Variants in GABRG2 observed in about 807,000 individuals in gnomAD.
The protein encoded by GABRG2 is gamma-aminobutyric acid type A receptor subunit gamma2.
GABRG2 carries 16 observed loss-of-function variants against 56.4 expected under a neutral mutation model. The ratio of observed to expected loss-of-function variants is 0.28; its 90% CI spans 0.19 to 0.43. GABRG2 has a LOEUF of 0.43. GABRG2 is among the 20% of genes least tolerant of loss of function. The probability of loss-of-function intolerance (pLI) is 1.00; values close to 1 mark genes in which losing one functional copy is unlikely to be tolerated. For synonymous variants in GABRG2, 208 were observed against 205.5 expected (o/e 1.01, Z -0.10); for missense variants, 327 against 582.7 (o/e 0.56, Z 4.52).
intron 8 of GABRG2, 121 bp downstream of exon 8, chr5:162,149,434 A>G (rs546743468): frequency 4.5e-6 from 4 of 879,720 alleles, no homozygotes; most frequent in Non-Finnish European, 7.4e-6. Flanking sequence ...AACAGCATGT[A>G]TGAGTTTAGC....
intron 2 of GABRG2, chr5:162,094,218 T>C: frequency 2.0e-6 from 1 of 498,536 alleles, no homozygotes; most frequent in Non-Finnish European, 3.6e-6. Context: ...GAAATTCACA[T>C]ATTGCTAGAT....
At chr5:162,117,785 A>G (rs2113462590) in intron 6 of GABRG2, among the ~76,000 whole-genome samples, 1 of 152,224 alleles carries the variant, frequency 6.6e-6, no homozygotes, top group African/African-American at 2.4e-5. Context: ...ATTGGTTGAC[A>G]TTGAATAATT....
rs267600532 is a variant in GABRG2 at position 162,151,746 on chromosome 5, C to G, written c.1145C>G (p.Ser382Cys). 6.2e-7 allele frequency: 1 copy of G among 1,609,914 alleles called. No individual in the cohort carries two copies. The highest frequency in any genetic ancestry group is 2.2e-5 in the East Asian group (1 of 44,610). Residue 382 changes from serine to cysteine, a missense_variant, in exon 9 of 10, where the codon TCC becomes TGC. Ser to Cys is a moderately radical substitution (Grantham distance 112). Transcript: ENST00000639213. ...AACCCAAAGCTTCTTCGGATGTTTT[C>G]CTTCAAGGTATAATGTTTTTGGAAT... ...KKKNPLLRMF[S>C]FKAPTIDIRP...
At chr5:162,133,192 C>T (rs991400215) in intron 6 of GABRG2, among the ~76,000 whole-genome samples, 22 of 152,066 alleles carry the variant, frequency 1.4e-4, no homozygotes, top group Admixed American at 3.3e-4. Flanking sequence ...ACCAATGTCA[C>T]AGAAGTTATT....
chr5:162,069,528 CAGAT>C (rs1437412267), intron 1 of GABRG2, among the ~76,000 whole-genome samples: 10 of 152,066 alleles, frequency 6.6e-5, no homozygotes, highest in African/African-American at 2.4e-4. Context: ...GGTAATAAGA[CAGAT>C]AGATTTATGA....
intron 6 of GABRG2, among the ~76,000 whole-genome samples, chr5:162,122,972 T>C (rs1268759312): frequency 6.6e-6 from 1 of 151,774 alleles, no homozygotes; most frequent in Non-Finnish European, 1.5e-5. Flanking sequence ...TTTAGACATT[T>C]AAGAATAAAT....
intron 9 of GABRG2, chr5:162,151,976 G>A (rs1419754147): frequency 2.3e-6 from 1 of 442,522 alleles, no homozygotes; most frequent in Non-Finnish European, 4.0e-6. Context: ...TAATCCCTGT[G>A]AGATGTCATA....
At chr5:162,133,451 A>G (rs181046402) in intron 6 of GABRG2, among the ~76,000 whole-genome samples, 1 of 152,230 alleles carries the variant, frequency 6.6e-6, no homozygotes, top group Admixed American at 6.6e-5. Context: ...CCCTGCGTTT[A>G]TGTAAAACAT....
At chr5:162,118,127 A>G (rs1762746380) in intron 6 of GABRG2, among the ~76,000 whole-genome samples, 1 of 148,774 alleles carries the variant, frequency 6.7e-6, no homozygotes, top group Non-Finnish European at 1.5e-5. Flanking sequence ...TTTCTCCTCA[A>G]CTCTTTTTCT....
intron 8 of GABRG2, 119 bp downstream of exon 8, chr5:162,149,432 G>A: frequency 1.1e-6 from 1 of 902,496 alleles, no homozygotes; most frequent in Non-Finnish European, 1.8e-6. Context: ...AAAACAGCAT[G>A]TATGAGTTTA....
chr5:162,141,084 T>C (rs1276461723), intron 6 of GABRG2, among the ~76,000 whole-genome samples: 2 of 152,202 alleles, frequency 1.3e-5, no homozygotes, highest in Non-Finnish European at 2.9e-5. Context: ...TTGCCCAGGC[T>C]GTAGTGCAGT....
chr5:162,082,211 G>C (rs981764729), intron 1 of GABRG2, among the ~76,000 whole-genome samples: 3 of 151,756 alleles, frequency 2.0e-5, no homozygotes, highest in African/African-American at 7.3e-5. Context: ...TTCTATAAGA[G>C]CCTAATTTTA....
chr5:162,132,445 C>A (rs1363104507), intron 6 of GABRG2, among the ~76,000 whole-genome samples: 1 of 151,966 alleles, frequency 6.6e-6, no homozygotes, highest in African/African-American at 2.4e-5. Context: ...GAAATGCAGT[C>A]TCATCATTTC....
intron 1 of GABRG2, among the ~76,000 whole-genome samples, chr5:162,085,203 T>C (rs926630303): frequency 1.3e-5 from 2 of 151,990 alleles, no homozygotes; most frequent in Non-Finnish European, 2.9e-5. Context: ...ATTTGAGTTT[T>C]ATTTATTTCT....
At position 162,101,265 on chromosome 5, in the gene GABRG2, A is replaced by G. The variant is rs751723547; in HGVS notation, c.579A>G (p.Gln193=). Residue 193 remains glutamine, a synonymous_variant, in exon 5 of 10, where the codon CAA becomes CAG. Transcript: ENST00000639213. ...RLTIDAECQL[Q]LHNFPMDEHS... Reference sequence around the variant, plus strand: ...CAATTGATGCTGAGTGCCAATTACAATTGCACAACTTTCCAATGGATGAAC... The same window carrying G: ...CAATTGATGCTGAGTGCCAATTACAGTTGCACAACTTTCCAATGGATGAAC... 16 of 1,611,134 alleles carry G rather than the reference A, an allele frequency of 9.9e-6. No individual in the cohort carries two copies. The African/African-American group carries it at 1.1e-4, about 11-fold the overall frequency.
intron 6 of GABRG2, among the ~76,000 whole-genome samples, chr5:162,131,182 C>G (rs184211511): frequency 1.3e-5 from 2 of 152,040 alleles, no homozygotes; most frequent in Non-Finnish European, 1.5e-5. Context: ...AGAGGAGTGT[C>G]CCCCACAGCA....
At chr5:162,084,276 T>C (rs1045387175) in intron 1 of GABRG2, among the ~76,000 whole-genome samples, 1 of 151,620 alleles carries the variant, frequency 6.6e-6, no homozygotes, top group East Asian at 1.9e-4. Flanking sequence ...GTCTGTGTAC[T>C]AGAGCAGATG....
chr5:162,144,960 AAAAC>A (rs1211918457), intron 7 of GABRG2, among the ~76,000 whole-genome samples: 14 of 152,324 alleles, frequency 9.2e-5, no homozygotes, highest in African/African-American at 3.4e-4. Context: ...TTAGGATTGA[AAAAC>A]AAACAAACAA....
intron 1 of GABRG2, among the ~76,000 whole-genome samples, chr5:162,085,058 T>C (rs958940187): frequency 2.6e-5 from 4 of 151,912 alleles, no homozygotes; most frequent in African/African-American, 9.7e-5. Context: ...CAAGACAAGC[T>C]GTCCCAGTTT....
Sources: allele counts gnomAD v4.1 joint callset (sites outside exome capture counted in the v4.1 genomes callset), GRCh38; gene constraint gnomAD v4.1.1; transcripts MANE v1.5; gene names NCBI Gene and HGNC (gene_info 2026-07-23, HGNC 2026-07-21).